Variants in KCNMA1 observed in about 807,000 individuals in gnomAD.
The protein encoded by KCNMA1 is Calcium-activated potassium channel subunit alpha-1.
KCNMA1 carries 29 observed loss-of-function variants against 140.0 expected under a neutral mutation model. That is an observed-to-expected ratio of 0.21 (90% confidence interval 0.15 to 0.28). The LOEUF is 0.28. KCNMA1 is among the 10% of genes least tolerant of loss of function. The pLI is 1.00. For synonymous variants in KCNMA1, 612 were observed against 611.9 expected (o/e 1.00, Z 0.00); for missense variants, 880 against 1,602.2 (o/e 0.55, Z 7.70).
At chr10:77,137,665 T>A (rs1460805396) in intron 5 of KCNMA1, among the ~76,000 whole-genome samples, 1 of 152,212 alleles carries the variant, frequency 6.6e-6, no homozygotes, top group African/African-American at 2.4e-5. Context: ...TCCTCTCAAA[T>A]GCCCCTGGGC....
intron 18 of KCNMA1, 133 bp from the exon 19 acceptor site, chr10:77,001,713 G>GA (rs1178637407): frequency 1.2e-5 from 8 of 678,376 alleles, no homozygotes; most frequent in South Asian, 8.7e-5. Flanking sequence ...TCTTGACCCA[G>GA]AAAAAAATGC....
intron 2 of KCNMA1, among the ~76,000 whole-genome samples, chr10:77,362,368 C>T (rs1437905062): frequency 7.0e-6 from 1 of 142,256 alleles, no homozygotes; most frequent in African/African-American, 2.6e-5. Flanking sequence ...CCCCACCCCA[C>T]ACACACACAC....
intron 1 of KCNMA1, among the ~76,000 whole-genome samples, chr10:77,484,037 A>G (rs2098434376): frequency 6.6e-6 from 1 of 152,234 alleles, no homozygotes; most frequent in South Asian, 2.1e-4. Flanking sequence ...CACTCAGGAA[A>G]CAAAGTCACC....
At chr10:76,977,759 T>C in intron 19 of KCNMA1, 1 of 643,228 alleles carries the variant, frequency 1.6e-6, no homozygotes, top group East Asian at 2.7e-5. Context: ...CCACCCAACC[T>C]GCTATTAGCC....
chr10:77,362,551 T>G (rs116983287), intron 2 of KCNMA1, among the ~76,000 whole-genome samples: 5,861 of 152,084 alleles, frequency 0.039, 195 homozygotes, highest in Middle Eastern at 0.13. Context: ...ATAAATGGAA[T>G]GGCAAGAGGA....
At chr10:77,326,687 C>A (rs1801204099) in intron 2 of KCNMA1, among the ~76,000 whole-genome samples, 1 of 151,134 alleles carries the variant, frequency 6.6e-6, no homozygotes, top group Non-Finnish European at 1.5e-5. Context: ...GGAAGCTTTA[C>A]TGACCATATT....
intron 2 of KCNMA1, among the ~76,000 whole-genome samples, chr10:77,307,307 A>G (rs1457655572): frequency 6.6e-6 from 1 of 152,166 alleles, no homozygotes; most frequent in Non-Finnish European, 1.5e-5. Flanking sequence ...ACAGTCCCCA[A>G]CTTACAATGG....
At chr10:77,530,774 C>T (rs1314909528) in intron 1 of KCNMA1, among the ~76,000 whole-genome samples, 1 of 152,124 alleles carries the variant, frequency 6.6e-6, no homozygotes, top group Non-Finnish European at 1.5e-5. Context: ...GATTTCTGCC[C>T]CGCCTGCCTG....
At chr10:77,630,652 G>A (rs780717136) in intron 1 of KCNMA1, among the ~76,000 whole-genome samples, 9 of 152,156 alleles carry the variant, frequency 5.9e-5, no homozygotes, top group African/African-American at 1.4e-4. Context: ...TGGACTGCAC[G>A]GAGGCTGAGG....
chr10:77,472,322 A>G (rs1214099723), intron 1 of KCNMA1, among the ~76,000 whole-genome samples: 1 of 150,980 alleles, frequency 6.6e-6, no homozygotes, highest in Non-Finnish European at 1.5e-5. Flanking sequence ...GAGAGCGTAC[A>G]TACTAAACAC....
chr10:77,324,588 G>A (rs1197945944), intron 2 of KCNMA1, among the ~76,000 whole-genome samples: 3 of 151,856 alleles, frequency 2.0e-5, no homozygotes, highest in Non-Finnish European at 4.4e-5. Context: ...TTTTTCTTCT[G>A]TATAGAGACA....
chr10:76,912,994 G>C (rs555868240), intron 24 of KCNMA1: 2 of 152,174 alleles, frequency 1.3e-5, no homozygotes, highest in Non-Finnish European at 2.9e-5. Flanking sequence ...AATTTGTCCT[G>C]ATAAATAGCT....
intron 5 of KCNMA1, among the ~76,000 whole-genome samples, chr10:77,146,701 C>CAAAAAAAAAAAAA (rs5786266): frequency 1.2e-4 from 8 of 64,184 alleles, no homozygotes; most frequent in Non-Finnish European, 1.8e-4. Context: ...GACTTCATCT[C>CAAAAAAAAAAAAA]AAAAAAAAAA....
chr10:77,624,907 GC>G (rs1242039974), intron 1 of KCNMA1, among the ~76,000 whole-genome samples: 1 of 151,884 alleles, frequency 6.6e-6, no homozygotes, highest in Non-Finnish European at 1.5e-5. Flanking sequence ...TTCTAGAGGG[GC>G]TGCAATCTTT....
intron 1 of KCNMA1, among the ~76,000 whole-genome samples, chr10:77,626,588 G>A (rs1264394038): frequency 2.6e-5 from 4 of 152,076 alleles, no homozygotes; most frequent in Non-Finnish European, 4.4e-5. Flanking sequence ...GAGCCACAAA[G>A]GGTCCACTTT....
At chr10:77,414,439 C>T (rs1049456601) in intron 1 of KCNMA1, among the ~76,000 whole-genome samples, 1 of 152,144 alleles carries the variant, frequency 6.6e-6, no homozygotes, top group African/African-American at 2.4e-5. Context: ...TGATTTTACA[C>T]CAACTTAATC....
chr10:77,073,283 G>A, intron 13 of KCNMA1, 31 bp from the exon 14 acceptor site: 2 of 1,610,804 alleles, frequency 1.2e-6, no homozygotes, highest in South Asian at 2.2e-5. Flanking sequence ...ATGAGACCTT[G>A]CTCTGTTAAA....
intron 1 of KCNMA1, among the ~76,000 whole-genome samples, chr10:77,457,904 C>T (rs1484137399): frequency 6.6e-6 from 1 of 151,410 alleles, no homozygotes; most frequent in African/African-American, 2.5e-5. Flanking sequence ...GCCTCACAAT[C>T]GCAATGTAGT....
intron 1 of KCNMA1, among the ~76,000 whole-genome samples, chr10:77,617,551 C>G (rs574655602): frequency 1.3e-5 from 2 of 152,300 alleles, no homozygotes; most frequent in African/African-American, 4.8e-5. Context: ...GAGCTGAAGG[C>G]ACTCCAGAGC....
Sources: gnomAD v4.1 joint callset for allele counts (sites outside exome capture counted in the v4.1 genomes callset) on GRCh38, gnomAD v4.1.1 for gene constraint, MANE v1.5 for transcripts, NCBI Gene and HGNC (gene_info 2026-07-23, HGNC 2026-07-21) for gene names.